Variants in PNPLA1 observed in about 807,000 individuals in gnomAD.
PNPLA1 encodes patatin like domain 1, omega-hydroxyceramide transacylase.
A neutral mutation model predicts 51.7 loss-of-function variants in PNPLA1; 36 were observed. That is an observed-to-expected ratio of 0.70 (90% confidence interval 0.53 to 0.92). The LOEUF is 0.92. PNPLA1 is among the 40% of genes least tolerant of loss of function. The probability of loss-of-function intolerance (pLI) is 0.00; values close to 1 mark genes in which losing one functional copy is unlikely to be tolerated. For synonymous variants in PNPLA1, 293 were observed against 280.1 expected, an observed-to-expected ratio of 1.05 and a Z score of -0.46; for missense variants, 658 against 682.5, an observed-to-expected ratio of 0.96 and a Z score of 0.40.
At chr6:36,309,039 T>A (rs1287248077) in intron 8 of PNPLA1, among the ~76,000 whole-genome samples, 1 of 152,076 alleles carries the variant, frequency 6.6e-6, no homozygotes, top group Non-Finnish European at 1.5e-5. Context: ...CTGAGCAACA[T>A]CCTTCCTGGT....
At chr6:36,304,321 G>A (rs1771166271) in intron 6 of PNPLA1, among the ~76,000 whole-genome samples, 1 of 152,088 alleles carries the variant, frequency 6.6e-6, no homozygotes, top group African/African-American at 2.4e-5. Context: ...GGTTTACTTT[G>A]ACTCTTTTAA....
intron 1 of PNPLA1, among the ~76,000 whole-genome samples, chr6:36,256,985 G>A (rs1262055882): frequency 1.3e-5 from 2 of 152,118 alleles, no homozygotes; most frequent in Non-Finnish European, 2.9e-5. Flanking sequence ...GGAGATTAAC[G>A]GTTCTGAAGA....
chr6:36,297,108 T>A (rs558670059), intron 5 of PNPLA1, among the ~76,000 whole-genome samples: 1 of 152,290 alleles, frequency 6.6e-6, no homozygotes, highest in Admixed American at 6.5e-5. Flanking sequence ...ACTTCAGGAA[T>A]CTGTCCCCAA....
intron 1 of PNPLA1, among the ~76,000 whole-genome samples, chr6:36,247,126 G>A (rs887732266): frequency 5.3e-5 from 8 of 152,014 alleles, no homozygotes; most frequent in African/African-American, 1.2e-4. Flanking sequence ...TCCAGGGCTC[G>A]GCACTCAGTT....
intron 1 of PNPLA1, among the ~76,000 whole-genome samples, chr6:36,248,581 G>A (rs929474230): frequency 1.3e-5 from 2 of 151,778 alleles, no homozygotes; most frequent in Non-Finnish European, 2.9e-5. Flanking sequence ...GAGTGCAGTG[G>A]CACGATCTCG....
chr6:36,244,800 G>A (rs1441379583), intron 1 of PNPLA1, among the ~76,000 whole-genome samples: 1 of 152,204 alleles, frequency 6.6e-6, no homozygotes, highest in African/African-American at 2.4e-5. Flanking sequence ...TGCCAAACTT[G>A]GGTCTGCCCA....
intron 1 of PNPLA1, among the ~76,000 whole-genome samples, chr6:36,278,401 A>G (rs1318134889): frequency 1.3e-5 from 2 of 152,182 alleles, no homozygotes; most frequent in East Asian, 1.9e-4. Flanking sequence ...TGGATATGAG[A>G]TATAACGCTA....
intron 5 of PNPLA1, among the ~76,000 whole-genome samples, chr6:36,301,546 G>A (rs1423540906): frequency 1.3e-5 from 2 of 152,000 alleles, no homozygotes; most frequent in Non-Finnish European, 2.9e-5. Flanking sequence ...CCTGGGCCAC[G>A]TACCCTTCAG....
At chr6:36,250,174 T>C (rs1371405529) in intron 1 of PNPLA1, among the ~76,000 whole-genome samples, 3 of 152,194 alleles carry the variant, frequency 2.0e-5, no homozygotes, top group Non-Finnish European at 4.4e-5. Flanking sequence ...TGATCATGCT[T>C]TGGCTGTGAG....
chr6:36,292,960 G>A, intron 2 of PNPLA1, 101 bp from the exon 3 acceptor site: 3 of 972,474 alleles, frequency 3.1e-6, no homozygotes, highest in South Asian at 1.7e-5. Flanking sequence ...TAGAATTTAA[G>A]GAGGTCTGGG....
At chr6:36,307,366 ACT>A (rs1031664458) in intron 7 of PNPLA1, among the ~76,000 whole-genome samples, 76 of 152,050 alleles carry the variant, frequency 5.0e-4, no homozygotes, top group Admixed American at 2.5e-3. Flanking sequence ...TTTACATATA[ACT>A]CTATAAAAGT....
At chr6:36,303,097 A>G (rs1771118586) in intron 6 of PNPLA1, among the ~76,000 whole-genome samples, 1 of 150,216 alleles carries the variant, frequency 6.7e-6, no homozygotes, top group African/African-American at 2.4e-5. Flanking sequence ...ATAGACTACA[A>G]AGAAATTTTT....
chr6:36,285,699 A>C (rs569262016), intron 1 of PNPLA1, among the ~76,000 whole-genome samples: 18 of 152,324 alleles, frequency 1.2e-4, no homozygotes, highest in Non-Finnish European at 2.4e-4. Context: ...ATTGAGTGCT[A>C]GGGACAAAAG....
intron 1 of PNPLA1, among the ~76,000 whole-genome samples, chr6:36,282,081 G>GAAAGAAAGAAAGAAAGAAAGAAAGAAAGA: frequency 7.7e-6 from 1 of 129,548 alleles, no homozygotes; most frequent in African/African-American, 3.0e-5. Flanking sequence ...AAGAAAGAAA[G>GAAAGAAAGAAAGAAAGAAAGAAAGAAAGA]AAAGAAAGAA....
At chr6:36,278,497 T>C (rs1486642882) in intron 1 of PNPLA1, among the ~76,000 whole-genome samples, 1 of 152,206 alleles carries the variant, frequency 6.6e-6, no homozygotes, top group East Asian at 1.9e-4. Flanking sequence ...AAGTGACTAG[T>C]TGGAGGCAGA....
At chr6:36,310,851 C>A (rs939585538) in intron 8 of PNPLA1, among the ~76,000 whole-genome samples, 1 of 152,194 alleles carries the variant, frequency 6.6e-6, no homozygotes, top group Non-Finnish European at 1.5e-5. Flanking sequence ...ATAACATTCA[C>A]CCTGCCTTCA....
Position 36,294,111 on chromosome 6 carries a change from C to A in PNPLA1, c.505-79C>A. The A allele has an allele frequency of 6.6e-7, 1 of 1,524,740 alleles. No homozygotes were observed. The highest frequency in any genetic ancestry group is 1.2e-5 in the South Asian group (1 of 82,906). 94.5% of individuals were successfully genotyped at this position (1,524,740 alleles called of 1,614,324 possible). A position where few individuals can be genotyped will look rare whatever the true frequency, so the allele number is the denominator to read the frequency against. ...GGGCCCTTGAAGCTGGTGCCATATC[C>A]CATGGGCCATTTCGATGTACCCCGA... is the stretch of plus-strand genomic sequence containing the variant. On this transcript the variant is annotated intron_variant, in intron 3 of 8. Transcript: ENST00000636260. This position sits in a 1 kb window ranked among gnomAD's most constrained non-coding sequence, Gnocchi z 4.2.
chr6:36,261,178 A>G (rs1178957397), intron 1 of PNPLA1, among the ~76,000 whole-genome samples: 2 of 152,320 alleles, frequency 1.3e-5, no homozygotes, highest in Middle Eastern at 3.4e-3. Context: ...TTGTGAGGTG[A>G]CTAGACCACA....
At chr6:36,255,248 T>C (rs1003087714) in intron 1 of PNPLA1, among the ~76,000 whole-genome samples, 3 of 152,124 alleles carry the variant, frequency 2.0e-5, no homozygotes, top group African/African-American at 7.2e-5. Flanking sequence ...CTCACGCCTG[T>C]AATCCCAGCA....
Sources: allele counts gnomAD v4.1 joint callset (sites outside exome capture counted in the v4.1 genomes callset), GRCh38; gene constraint gnomAD v4.1.1; non-coding constraint Gnocchi (gnomAD v3.1); transcripts MANE v1.5; gene names NCBI Gene and HGNC (gene_info 2026-07-23, HGNC 2026-07-21).